EPB41L3: variants seen among roughly 807,000 people sequenced by gnomAD.
The protein encoded by EPB41L3 is band 4.1-like protein 3.
EPB41L3 carries 57 observed loss-of-function variants against 127.1 expected under a neutral mutation model. The ratio of observed to expected loss-of-function variants is 0.45; its 90% confidence interval spans 0.36 to 0.56. The LOEUF (loss-of-function observed/expected upper bound fraction) is 0.56. Ranked by LOEUF, EPB41L3 falls within the 20% of genes least tolerant of loss-of-function variation. The probability of loss-of-function intolerance (pLI) is 0.00; values close to 1 mark genes in which losing one functional copy is unlikely to be tolerated. For missense variants in EPB41L3, 1,273 were observed against 1,372.2 expected (o/e 0.93, Z 1.14); for synonymous variants, 572 against 549.5 (o/e 1.04, Z -0.57).
chr18:5,623,117 C>T (rs1252807619), intron 1 of EPB41L3, among the ~76,000 whole-genome samples: 1 of 152,040 alleles, frequency 6.6e-6, no homozygotes, highest in East Asian at 1.9e-4. Flanking sequence ...AGTGAGAAAG[C>T]TGAGGCCAAG....
chr18:5,600,624 GA>G (rs541668153), intron 3 of EPB41L3, among the ~76,000 whole-genome samples: 11 of 151,074 alleles, frequency 7.3e-5, no homozygotes, highest in African/African-American at 2.7e-4. Context: ...GCAAAGGGAA[GA>G]AAAAAACATT....
intron 3 of EPB41L3, among the ~76,000 whole-genome samples, chr18:5,467,810 C>T (rs928001967): frequency 3.3e-5 from 5 of 152,158 alleles, no homozygotes; most frequent in African/African-American, 9.7e-5. Flanking sequence ...CTGGAGTGGC[C>T]GCTGCCATGA....
chr18:5,405,723 C>T (rs749526574), intron 16 of EPB41L3, among the ~76,000 whole-genome samples: 8 of 151,336 alleles, frequency 5.3e-5, no homozygotes, highest in South Asian at 4.2e-4. Flanking sequence ...ACCCAGGAGG[C>T]GGAGGTCACA....
intron 13 of EPB41L3, among the ~76,000 whole-genome samples, chr18:5,411,611 A>G (rs960515471): frequency 3.6e-5 from 5 of 140,228 alleles, no homozygotes; most frequent in Non-Finnish European, 7.5e-5. Context: ...CCCTCCACAG[A>G]TATCAACTAA....
At chr18:5,434,224 C>T (rs1047101729) in intron 6 of EPB41L3, 103 bp from the exon 7 acceptor site, 2 of 819,502 alleles carry the variant, frequency 2.4e-6, no homozygotes, top group African/African-American at 1.7e-5. Context: ...CCCTGTAGAA[C>T]AGCCTCTCTA....
intron 3 of EPB41L3, among the ~76,000 whole-genome samples, chr18:5,471,577 T>C (rs1451700625): frequency 6.6e-6 from 1 of 152,226 alleles, no homozygotes; most frequent in Non-Finnish European, 1.5e-5. Context: ...CATGTATATC[T>C]ACTATGTGAA....
At chr18:5,527,969 T>G (rs2093287772) in intron 1 of EPB41L3, among the ~76,000 whole-genome samples, 1 of 152,098 alleles carries the variant, frequency 6.6e-6, no homozygotes, top group Non-Finnish European at 1.5e-5. Flanking sequence ...TACAGAAGGA[T>G]GTGCACAGTA....
chr18:5,528,526 T>C (rs2093310223), intron 1 of EPB41L3, among the ~76,000 whole-genome samples: 1 of 152,098 alleles, frequency 6.6e-6, no homozygotes, highest in Non-Finnish European at 1.5e-5. Flanking sequence ...ATCAACCCTT[T>C]TGTGTATCAG....
At chr18:5,588,907 C>G (rs985851388) in intron 3 of EPB41L3, among the ~76,000 whole-genome samples, 12 of 151,758 alleles carry the variant, frequency 7.9e-5, no homozygotes, top group African/African-American at 2.9e-4. Context: ...CCAGTTATTA[C>G]AGATGTATTT....
intron 3 of EPB41L3, among the ~76,000 whole-genome samples, chr18:5,468,729 A>G (rs1487832935): frequency 6.6e-6 from 1 of 152,190 alleles, no homozygotes; most frequent in African/African-American, 2.4e-5. Flanking sequence ...CCTGGCCAAC[A>G]TGGCAAAACC....
rs375525801 is a variant in EPB41L3 at position 5,416,276 on chromosome 18, A to G, written c.1609T>C (p.Cys537Arg). The G allele has an allele frequency of 9.9e-6, 16 of 1,613,980 alleles. No individual in the cohort carries two copies. Among genetic ancestry groups the G allele is most frequent in the Non-Finnish European group, 1.2e-5 (14 of 1,180,032 alleles). The stretch of plus-strand genomic sequence containing the variant: ...GACGGCTCATAACCTGGCAGTTTGC[A>G]GTCATTCTCCTTACACCTCCTACGG... ...ELRRRCKEND[C>R]KLPGYEPSRA... The change falls in exon 13 of 23, where the codon TGC becomes CGC. Residue 537 changes from cysteine (C) to arginine (R), a missense_variant. By Grantham distance (180) the Cys-to-Arg change is radical (BLOSUM62 -3). Transcript: ENST00000341928.
chr18:5,593,946 T>C (rs976836123), intron 3 of EPB41L3, among the ~76,000 whole-genome samples: 8 of 152,232 alleles, frequency 5.3e-5, no homozygotes, highest in African/African-American at 1.7e-4. Context: ...TGTTATCCTG[T>C]TCTTTTTTCA....
intron 2 of EPB41L3, among the ~76,000 whole-genome samples, chr18:5,482,654 C>G (rs1441814413): frequency 6.6e-6 from 1 of 152,078 alleles, no homozygotes; most frequent in African/African-American, 2.4e-5. Flanking sequence ...TGCCTGGTAA[C>G]AGAATTCTCA....
At chr18:5,498,471 G>A (rs1420170370) in intron 1 of EPB41L3, among the ~76,000 whole-genome samples, 1 of 151,588 alleles carries the variant, frequency 6.6e-6, no homozygotes, top group African/African-American at 2.4e-5. Flanking sequence ...ACGGGCACCT[G>A]TAATCCCAGC....
intron 3 of EPB41L3, among the ~76,000 whole-genome samples, chr18:5,477,727 G>T (rs1445943023): frequency 6.6e-6 from 1 of 151,948 alleles, no homozygotes; most frequent in Non-Finnish European, 1.5e-5. Context: ...AAAAACAAAG[G>T]GTATACCCTT....
chr18:5,445,344 G>A (rs2081322895), intron 3 of EPB41L3, 100 bp from the exon 4 acceptor site: 1 of 929,482 alleles, frequency 1.1e-6, no homozygotes, highest in South Asian at 1.5e-5. Context: ...ATTGCTTGGT[G>A]TAACTTTAGG....
chr18:5,588,046 A>C (rs1256502192), intron 3 of EPB41L3, among the ~76,000 whole-genome samples: 1 of 152,214 alleles, frequency 6.6e-6, no homozygotes, highest in African/African-American at 2.4e-5. Flanking sequence ...CAATGAAGGC[A>C]ACACAATTTT....
intron 3 of EPB41L3, among the ~76,000 whole-genome samples, chr18:5,455,553 C>A (rs1246256102): frequency 6.6e-6 from 1 of 151,880 alleles, no homozygotes; most frequent in Non-Finnish European, 1.5e-5. Flanking sequence ...TGCGCAAACA[C>A]TTCAAGTACA....
At chr18:5,478,220 A>T in intron 3 of EPB41L3, 21 bp downstream of exon 3, 10 of 1,606,712 alleles carry the variant, frequency 6.2e-6, no homozygotes, top group Non-Finnish European at 7.7e-6. Flanking sequence ...AGGACAGAAA[A>T]GTCTTAAGAC....
Sources: gnomAD v4.1 joint callset for allele counts (sites outside exome capture counted in the v4.1 genomes callset) on GRCh38, gnomAD v4.1.1 for gene constraint, MANE v1.5 for transcripts, NCBI Gene and HGNC (gene_info 2026-07-23, HGNC 2026-07-21) for gene names.